The following INTS15 variants were observed in gnomAD, a reference collection of about 807,000 sequenced individuals.
The protein encoded by INTS15 is uncharacterized protein C7orf26.
At chr7:6,606,845 A>G in the INTS15 span, among the ~76,000 whole-genome samples, 2 of 152,082 alleles carry the variant, frequency 1.3e-5, no homozygotes, top group African/African-American at 4.8e-5. Context: ...AGCTGGGACT[A>G]AAGGTGTGCA....
chr7:6,594,136 G>A, the INTS15 span, among the ~76,000 whole-genome samples: 1 of 147,882 alleles, frequency 6.8e-6, no homozygotes, highest in African/African-American at 2.5e-5. Flanking sequence ...AGCCTTCCAA[G>A]TAGCTGGGAT....
At chr7:6,602,283 C>A in the INTS15 span, 1 of 629,378 alleles carries the variant, frequency 1.6e-6, no homozygotes. Flanking sequence ...AGAAAACGCA[C>A]GTGAATGGAA....
At chr7:6,591,170 C>G in the INTS15 span, among the ~76,000 whole-genome samples, 1 of 152,022 alleles carries the variant, frequency 6.6e-6, no homozygotes, top group Admixed American at 6.6e-5. Context: ...CAGCAAAGAT[C>G]TCCCTGAGAC....
the INTS15 span, chr7:6,591,841 T>A: frequency 4.3e-6 from 7 of 1,613,990 alleles, no homozygotes; most frequent in Non-Finnish European, 5.9e-6. Context: ...AATCCCGGTG[T>A]TGGAGTGTGC....
the INTS15 span, chr7:6,600,042 G>T: frequency 6.2e-7 from 1 of 1,614,174 alleles, no homozygotes. Flanking sequence ...TTATCCAATG[G>T]CCATGTCAGC....
chr7:6,607,737 G>T, the INTS15 span: 1 of 1,502,618 alleles, frequency 6.7e-7, no homozygotes, highest in Non-Finnish European at 8.9e-7. The surrounding 1 kb of genome is among the most constrained non-coding windows in gnomAD (Gnocchi z 6.0). Flanking sequence ...CCGGAGCTCC[G>T]TGGGCCACAG....
the INTS15 span, among the ~76,000 whole-genome samples, chr7:6,599,189 C>T: frequency 5.9e-5 from 9 of 152,234 alleles, no homozygotes; most frequent in East Asian, 1.2e-3. Context: ...TAAACGAGTT[C>T]GTCTGTGTAA....
chr7:6,604,054 G>A, the INTS15 span, among the ~76,000 whole-genome samples: 2 of 152,242 alleles, frequency 1.3e-5, no homozygotes, highest in African/African-American at 4.8e-5. Context: ...TACTTGGCCT[G>A]TAGTGAATAT....
chr7:6,591,129 C>G, the INTS15 span, among the ~76,000 whole-genome samples: 2 of 152,098 alleles, frequency 1.3e-5, no homozygotes, highest in African/African-American at 2.4e-5. Context: ...AGCCACAACG[C>G]CTGGCCTATA....
chr7:6,593,004 T>G, the INTS15 span, among the ~76,000 whole-genome samples: 2 of 152,180 alleles, frequency 1.3e-5, no homozygotes, highest in Non-Finnish European at 2.9e-5. Flanking sequence ...ATCTCTTCAA[T>G]GTGATAGCAG....
the INTS15 span, among the ~76,000 whole-genome samples, chr7:6,593,654 T>G: frequency 2.0e-5 from 3 of 149,410 alleles, no homozygotes; most frequent in Non-Finnish European, 4.5e-5. Context: ...TTTCTGTTTT[T>G]TTTTTTTTTT....
chr7:6,604,043 G>C, the INTS15 span, among the ~76,000 whole-genome samples: 1 of 152,198 alleles, frequency 6.6e-6, no homozygotes, highest in South Asian at 2.1e-4. Flanking sequence ...ACTTAAACTA[G>C]TACTTGGCCT....
chr7:6,591,896 G>C, the INTS15 span: 1 of 1,599,716 alleles, frequency 6.3e-7, no homozygotes, highest in South Asian at 1.1e-5. Flanking sequence ...CCTCGGCCGG[G>C]TGCGGTGGCT....
At chr7:6,592,233 T>C in the INTS15 span, among the ~76,000 whole-genome samples, 1 of 151,980 alleles carries the variant, frequency 6.6e-6, no homozygotes, top group East Asian at 1.9e-4. Flanking sequence ...AATTCTCATT[T>C]AATTAGATTT....
chr7:6,595,152 C>T, the INTS15 span, among the ~76,000 whole-genome samples: 1 of 152,190 alleles, frequency 6.6e-6, no homozygotes, highest in African/African-American at 2.4e-5. Context: ...CTGCCTCAGC[C>T]TCTCGAGTAG....
the INTS15 span, among the ~76,000 whole-genome samples, chr7:6,600,744 A>G: frequency 1.3e-5 from 2 of 151,960 alleles, no homozygotes; most frequent in African/African-American, 2.4e-5. Flanking sequence ...TGCAACCTCC[A>G]TCTCCTGGGT....
chr7:6,598,789 T>TGTA, the INTS15 span, among the ~76,000 whole-genome samples: 2 of 41,164 alleles, frequency 4.9e-5, no homozygotes, highest in East Asian at 9.4e-4. Flanking sequence ...GTGTGTGTAT[T>TGTA]TTTTTTTTTT....
At chr7:6,592,346 C>A in the INTS15 span, among the ~76,000 whole-genome samples, 7 of 152,012 alleles carry the variant, frequency 4.6e-5, no homozygotes, top group African/African-American at 1.7e-4. Flanking sequence ...GGGGGCAGAT[C>A]ACTTGAGGTC....
the INTS15 span, among the ~76,000 whole-genome samples, chr7:6,597,453 C>G: frequency 6.6e-6 from 1 of 152,114 alleles, no homozygotes; most frequent in South Asian, 2.1e-4. Context: ...CGCCACCACG[C>G]CTGGCTAATT....
Sources: allele counts gnomAD v4.1 joint callset (sites outside exome capture counted in the v4.1 genomes callset), GRCh38; gene constraint gnomAD v4.1.1; non-coding constraint Gnocchi (gnomAD v3.1); transcripts MANE v1.5; gene names NCBI Gene and HGNC (gene_info 2026-07-23, HGNC 2026-07-21).